The following RANBP2 variants were observed in gnomAD, a reference collection of about 807,000 sequenced individuals.
RANBP2 encodes RAN binding protein 2, also known as E3 SUMO-protein ligase RanBP2.
RANBP2 carries 57 observed loss-of-function variants against 303.6 expected under a neutral mutation model. The observed-to-expected ratio is 0.19, with a 90% CI of 0.15 to 0.23. The LOEUF (loss-of-function observed/expected upper bound fraction) is 0.23. Among genes scored for constraint, RANBP2 ranks in the 10% least tolerant of loss-of-function variants. The pLI, the probability that RANBP2 is intolerant of heterozygous loss-of-function variation, is 1.00. For synonymous variants in RANBP2, 1,167 were observed against 1,301.5 expected (o/e 0.90, Z 2.23); for missense variants, 3,138 against 3,780.8 (o/e 0.83, Z 4.46).
the RANBP2 span, among the ~76,000 whole-genome samples, chr2:108,795,836 C>G: frequency 6.6e-6 from 1 of 152,076 alleles, no homozygotes; most frequent in African/African-American, 2.4e-5. Context: ...AATGAAAACT[C>G]AGGCTGGGTA....
the RANBP2 span, among the ~76,000 whole-genome samples, chr2:109,424,671 T>C: frequency 6.6e-6 from 1 of 152,232 alleles, no homozygotes; most frequent in Admixed American, 6.5e-5. Context: ...TGGAGTTGTT[T>C]TGGGCACCAT....
At chr2:108,860,055 G>T in the RANBP2 span, among the ~76,000 whole-genome samples, 2 of 151,908 alleles carry the variant, frequency 1.3e-5, no homozygotes, top group African/African-American at 4.8e-5. Context: ...TCTTGTGTGT[G>T]TGTGGCTGTT....
At chr2:109,092,523 C>A in the RANBP2 span, among the ~76,000 whole-genome samples, 1 of 152,156 alleles carries the variant, frequency 6.6e-6, no homozygotes, top group East Asian at 1.9e-4. Context: ...AATTGAGAAT[C>A]TTTTACCTAC....
chr2:108,793,191 A>G, the RANBP2 span, among the ~76,000 whole-genome samples: 1 of 137,608 alleles, frequency 7.3e-6, no homozygotes, highest in Non-Finnish European at 1.6e-5. Context: ...CCCTGTCTCT[A>G]CTAAAAAAAA....
chr2:109,416,072 G>T, the RANBP2 span, among the ~76,000 whole-genome samples: 2 of 152,224 alleles, frequency 1.3e-5, no homozygotes, highest in African/African-American at 2.4e-5. Context: ...AAGTGGCCAT[G>T]CAGCATCGCA....
chr2:108,763,445 C>G lies in RANBP2; in HGVS notation c.2906C>G (p.Thr969Arg), dbSNP rs1361149728. 1 of 1,614,068 alleles carries G rather than the reference C, an allele frequency of 6.2e-7. No individual in the cohort carries two copies. Among genetic ancestry groups the G allele is most frequent in the Admixed American group, 1.7e-5 (1 of 59,996 alleles). The change falls in exon 20 of 29, where the codon ACA (threonine) becomes AGA (arginine). Residue 969 changes from threonine (T) to arginine (R), a missense_variant. Physicochemically the swap from Thr to Arg is moderately conservative, Grantham distance 71. This residue lies in a region of RANBP2 where 403 missense variants were observed against 376.7 expected (regional missense o/e 1.07). Transcript: ENST00000283195. ...DDYFNYNVQQ[T>R]STNPPLPEPG... The stretch of plus-strand genomic sequence containing the variant: ...TACTTTAATTACAATGTTCAACAGA[C>G]AAGCACAAATCCACCTTTGCCAGAA...
chr2:109,544,295 C>T, the RANBP2 span: 1 of 1,601,372 alleles, frequency 6.2e-7, no homozygotes, highest in East Asian at 2.2e-5. Flanking sequence ...CTTCTGTGCT[C>T]TGGAACTTCT....
chr2:109,344,023 C>T, the RANBP2 span, among the ~76,000 whole-genome samples: 7 of 152,172 alleles, frequency 4.6e-5, no homozygotes, highest in African/African-American at 7.2e-5. Flanking sequence ...AGATAATAGG[C>T]GTGAGCCACC....
chr2:109,345,813 G>A, the RANBP2 span, among the ~76,000 whole-genome samples: 2 of 152,152 alleles, frequency 1.3e-5, no homozygotes, highest in African/African-American at 4.8e-5. Flanking sequence ...TTAACCTGCT[G>A]ATGGCTCTGG....
At chr2:109,240,063 G>C in the RANBP2 span, among the ~76,000 whole-genome samples, 1 of 152,174 alleles carries the variant, frequency 6.6e-6, no homozygotes, top group African/African-American at 2.4e-5. Flanking sequence ...ACCCTTCTCT[G>C]TTTTCTTATG....
intron 1 of RANBP2, among the ~76,000 whole-genome samples, chr2:108,728,045 AGAACAGTACAT>A (rs1186061944): frequency 6.6e-6 from 1 of 152,200 alleles, no homozygotes; most frequent in Non-Finnish European, 1.5e-5. Flanking sequence ...ATCTGTAGAG[AGAACAGTACAT>A]GGACCAGGGA....
chr2:108,722,037 ATT>A (rs754633212), intron 1 of RANBP2, among the ~76,000 whole-genome samples: 1 of 136,640 alleles, frequency 7.3e-6, no homozygotes, highest in Non-Finnish European at 1.6e-5. Context: ...GCTCAGCCTG[ATT>A]TTTTTTTTTT....
the RANBP2 span, among the ~76,000 whole-genome samples, chr2:109,349,297 T>C: frequency 2.0e-5 from 3 of 152,244 alleles, no homozygotes; most frequent in African/African-American, 7.2e-5. Context: ...AATCTATTTT[T>C]CATTCAGGGA....
the RANBP2 span, chr2:109,593,055 T>G: frequency 3.2e-6 from 5 of 1,585,056 alleles, no homozygotes; most frequent in African/African-American, 6.8e-5. Flanking sequence ...ACTCACTATC[T>G]GTTCATCATC....
At chr2:108,798,149 G>A in the RANBP2 span, among the ~76,000 whole-genome samples, 35 of 152,164 alleles carry the variant, frequency 2.3e-4, no homozygotes, top group African/African-American at 8.2e-4. Flanking sequence ...AAGCTGGATC[G>A]GGAACTAAAT....
chr2:108,761,391 C>T (rs1310891709), intron 18 of RANBP2, among the ~76,000 whole-genome samples: 1 of 152,086 alleles, frequency 6.6e-6, no homozygotes, highest in East Asian at 1.9e-4. Flanking sequence ...CATGTACAGG[C>T]ATAAAAGGTC....
rs1205745703 is a variant in RANBP2, at chr2:108,763,822, C to T, written c.3283C>T (p.Pro1095Ser). 1 of 1,613,868 alleles carries T rather than the reference C, an allele frequency of 6.2e-7. No individual in the cohort carries two copies. The highest frequency in any genetic ancestry group is 1.3e-5 in the African/African-American group (1 of 74,860). Reference sequence around the variant, plus strand: ...AATTCCTGGTGGTCAAACCATTGGGCCTCGAAATACATTCAATTTTGGAAG... The same window carrying T: ...AATTCCTGGTGGTCAAACCATTGGGTCTCGAAATACATTCAATTTTGGAAG... ...KPIPGGQTIG[P>S]RNTFNFGSKN... is the part of the protein sequence containing the mutation. Residue 1095 changes from proline (P) to serine (S), a missense_variant, in exon 20 of 29, where the codon CCT becomes TCT. This residue lies in a region of RANBP2 where 403 missense variants were observed against 376.7 expected (regional missense o/e 1.07). Coordinates refer to ENST00000283195, the MANE Select transcript of RANBP2 (RefSeq NM_006267.5).
the RANBP2 span, among the ~76,000 whole-genome samples, chr2:109,189,367 C>CTT: frequency 5.0e-3 from 733 of 147,870 alleles, 8 homozygotes; most frequent in Middle Eastern, 0.011. Flanking sequence ...AGTCGTTTGA[C>CTT]TTTTTTTTTT....
the RANBP2 span, among the ~76,000 whole-genome samples, chr2:109,669,886 G>A: frequency 8.2e-6 from 1 of 122,028 alleles, no homozygotes; most frequent in Non-Finnish European, 1.7e-5. Flanking sequence ...GCCCTGGATA[G>A]CACCCCCAAC....
Sources: allele counts gnomAD v4.1 joint callset (sites outside exome capture counted in the v4.1 genomes callset), GRCh38; gene constraint gnomAD v4.1.1; regional missense constraint gnomAD v4.1.1; transcripts MANE v1.5; gene names NCBI Gene and HGNC (gene_info 2026-07-23, HGNC 2026-07-21).